UBE2J1: variants seen among roughly 807,000 people sequenced by gnomAD.
The protein encoded by UBE2J1 is ubiquitin conjugating enzyme E2 J1, also known as ubiquitin-conjugating enzyme E2 J1.
A neutral mutation model predicts 42.1 loss-of-function variants in UBE2J1; 17 were observed. The observed-to-expected ratio is 0.40, with a 90% confidence interval of 0.28 to 0.61. The LOEUF (loss-of-function observed/expected upper bound fraction) is 0.61, where lower values mean the gene tolerates loss of function less well. Among genes scored for constraint, UBE2J1 ranks in the 20% least tolerant of loss-of-function variants. The probability of loss-of-function intolerance (pLI) is 0.38; values close to 1 mark genes in which losing one functional copy is unlikely to be tolerated. For missense variants in UBE2J1, 291 were observed against 389.4 expected (o/e 0.75, Z 2.13); for synonymous variants, 127 against 137.2 (o/e 0.93, Z 0.52).
At chr6:89,338,900 T>G (rs192245095) in intron 3 of UBE2J1, among the ~76,000 whole-genome samples, 1 of 151,852 alleles carries the variant, frequency 6.6e-6, no homozygotes, top group Non-Finnish European at 1.5e-5. Flanking sequence ...ATCCTGACCT[T>G]GTGATCTGCC....
At chr6:89,339,911 G>T (rs147423016) in intron 3 of UBE2J1, among the ~76,000 whole-genome samples, 1 of 152,048 alleles carries the variant, frequency 6.6e-6, no homozygotes, top group African/African-American at 2.4e-5. Context: ...AGCTACTCAG[G>T]AGGCTGACGT....
At chr6:89,333,689 ATCTTT>A (rs1161714826) in intron 6 of UBE2J1, among the ~76,000 whole-genome samples, 3 of 152,232 alleles carry the variant, frequency 2.0e-5, no homozygotes, top group Admixed American at 6.5e-5. Flanking sequence ...TATATGTAAG[ATCTTT>A]TCTTAAGTCT....
In UBE2J1 at chr6:89,329,832, T is replaced by C; in HGVS notation, c.804A>G (p.Ser268=). 1 of 1,614,084 alleles carries C rather than the reference T, an allele frequency of 6.2e-7. No individual in the cohort carries two copies. The highest frequency in any genetic ancestry group is 1.7e-5 in the Admixed American group (1 of 59,992). Residue 268 remains serine, a synonymous_variant, in exon 8 of 8, where the codon TCA becomes TCG. Transcript: ENST00000435041. ...GCTGGTGGCCCTGGATTACATCTGG[T>C]GAAGTAGACAACCTTCTCTGACTCT... ...QQQSQRRLST[S]PDVIQGHQPR...
chr6:89,334,180 T>C (rs1375351319), intron 6 of UBE2J1, among the ~76,000 whole-genome samples: 2 of 151,824 alleles, frequency 1.3e-5, no homozygotes, highest in Non-Finnish European at 2.9e-5. Flanking sequence ...ATTTTTTGTA[T>C]TTTTAGTAGA....
rs1172005945 is a variant in UBE2J1 at position 89,329,878 on chromosome 6, C to T, written c.758G>A (p.Arg253Gln). 5.0e-6 allele frequency: 8 copies of T among 1,613,916 alleles called. No individual in the cohort carries two copies. Among genetic ancestry groups the T allele is most frequent in the East Asian group, 2.2e-5 (1 of 44,876 alleles). ...PVAKNTSMSPRQRRAQQQSQR... is the reference protein window; with the variant it reads ...PVAKNTSMSPQQRRAQQQSQR... ...ACTCTGCTGCTGGGCCCGGCGCTGT[C>T]GAGGGCTCATGGAGGTATTCTTAGC... is the stretch of plus-strand genomic sequence containing the variant. Residue 253 changes from arginine (R) to glutamine (Q), a missense_variant, in exon 8 of 8, where the codon CGA becomes CAA. Physicochemically the swap from Arg to Gln is conservative, Grantham distance 43 (BLOSUM62 1). Around this residue, in one of 2 missense-constraint regions of UBE2J1, gnomAD observed 176 missense variants for 196.3 expected, o/e 0.90. Transcript: ENST00000435041.
intron 3 of UBE2J1, among the ~76,000 whole-genome samples, chr6:89,340,655 G>A (rs1379347867): frequency 2.0e-5 from 3 of 152,212 alleles, no homozygotes; most frequent in African/African-American, 7.2e-5. Flanking sequence ...GTAATGGAAA[G>A]AGCACCAGTC....
intron 1 of UBE2J1, among the ~76,000 whole-genome samples, chr6:89,349,894 T>C (rs550082266): frequency 6.6e-6 from 1 of 152,316 alleles, no homozygotes; most frequent in African/African-American, 2.4e-5. Context: ...AGGTGCTTTA[T>C]ACACATTTCT....
chr6:89,329,098 T>C lies in UBE2J1; in HGVS notation c.*581A>G, dbSNP rs1767956596. ...GTAGCATCCAGTGACAAAGATGTGA[T>C]CTCATTTCCTCATAAATGTTTGACT... On this transcript the variant is annotated 3_prime_UTR_variant, in exon 8 of 8. Transcript: ENST00000435041. The C allele has an allele frequency of 6.5e-6, 1 of 153,054 alleles. No homozygotes were observed. Among genetic ancestry groups the C allele is most frequent in the Non-Finnish European group, 1.5e-5 (1 of 68,756 alleles). The allele number at this position is 153,054 out of a possible 1,614,324, so 9.5% of individuals were successfully genotyped here.
chr6:89,329,808 C>G lies in UBE2J1; in HGVS notation c.828G>C (p.Gln276His). 6.2e-7 allele frequency: 1 copy of G among 1,614,112 alleles called. No individual in the cohort carries two copies. ...STSPDVIQGHQPRDNHTDHGG... is the reference protein window; with the variant it reads ...STSPDVIQGHHPRDNHTDHGG... ...CATGATCAGTGTGGTTGTCTCTTGG[C>G]TGGTGGCCCTGGATTACATCTGGTG... Residue 276 changes from glutamine to histidine, a missense_variant, in exon 8 of 8, where the codon CAG (glutamine) becomes CAC (histidine). Physicochemically the swap from Gln to His is conservative, Grantham distance 24. Coordinates refer to ENST00000435041, the MANE Select transcript of UBE2J1 (RefSeq NM_016021.3).
chr6:89,345,792 A>G (rs1250089591), intron 1 of UBE2J1, among the ~76,000 whole-genome samples: 1 of 151,254 alleles, frequency 6.6e-6, no homozygotes, highest in Non-Finnish European at 1.5e-5. Flanking sequence ...CTATAATCCC[A>G]GCTACTAGGG....
At chr6:89,331,698 T>G (rs897723789) in intron 7 of UBE2J1, among the ~76,000 whole-genome samples, 6 of 152,122 alleles carry the variant, frequency 3.9e-5, no homozygotes, top group African/African-American at 1.4e-4. Context: ...ATAACTGGAA[T>G]ATGTAACAAG....
At chr6:89,333,994 G>T (rs1276602065) in intron 6 of UBE2J1, among the ~76,000 whole-genome samples, 1 of 152,154 alleles carries the variant, frequency 6.6e-6, no homozygotes, top group East Asian at 1.9e-4. Context: ...CTGTATGTAT[G>T]TATGTATTTA....
rs1246391637 is a variant in UBE2J1 at position 89,335,504 on chromosome 6, T to TA, written c.429-74_429-73insT. ...ATTCCCTCTCACTGAGACACTCAAA[T>TA]GCTCGATCATTAAACTTAAAAGAAA... On this transcript the variant is annotated intron_variant, in intron 5 of 7. Transcript: ENST00000435041. 2.6e-6 allele frequency: 3 copies of TA among 1,132,344 alleles called. No individual in the cohort carries two copies. The African/African-American group carries it at 4.8e-5, about 18-fold the overall frequency. The allele number at this position is 1,132,344 out of a possible 1,614,324, so 70.1% of individuals were successfully genotyped here. A position where few individuals can be genotyped will look rare whatever the true frequency, so the allele number is the denominator to read the frequency against.
At chr6:89,330,219 AGAT>A (rs1387210400) in intron 7 of UBE2J1, among the ~76,000 whole-genome samples, 3 of 152,224 alleles carry the variant, frequency 2.0e-5, no homozygotes, top group Non-Finnish European at 4.4e-5. Context: ...ACATTGGTCT[AGAT>A]GATATTTTAA....
chr6:89,329,281 G>T lies in UBE2J1; in HGVS notation c.*398C>A. The stretch of plus-strand genomic sequence containing the variant: ...TTCTATCCCTATACATTCTACATAC[G>T]TAGAAACAGAGTACTCAATAAGTGG... On this transcript the variant is annotated 3_prime_UTR_variant, in exon 8 of 8. Transcript: ENST00000435041. 1 of 219,286 alleles carries T rather than the reference G, an allele frequency of 4.6e-6. No homozygotes were observed. The highest frequency in any genetic ancestry group is 9.0e-6 in the Non-Finnish European group (1 of 111,612). The allele number at this position is 219,286 out of a possible 1,614,324, so 13.6% of individuals were successfully genotyped here.
chr6:89,348,740 A>G (rs1159415203), intron 1 of UBE2J1, among the ~76,000 whole-genome samples: 2 of 152,252 alleles, frequency 1.3e-5, no homozygotes, highest in African/African-American at 4.8e-5. Context: ...ATATTGACCA[A>G]GTATATATGT....
Position 89,336,458 on chromosome 6 carries a change from TTTTTA to T in UBE2J1, c.429-1032_429-1028del, listed in dbSNP as rs1018187041. 6.5e-4 allele frequency among the ~76,000 whole-genome samples: 24 copies of T among 36,650 alleles called. No individual in the cohort carries two copies. In the South Asian group the frequency reaches 0.017, roughly 26 times the overall value. The allele number at this position is 36,650 out of a possible 152,430, so 24.0% of individuals were successfully genotyped here. ...GGTGTGTGCCACCACACCCCGCTAA[TTTTTA>T]TTTTATTTTATTTTTTTTTTTTATT... On this transcript the variant is annotated intron_variant, in intron 5 of 7. Coordinates refer to ENST00000435041, the MANE Select transcript of UBE2J1 (RefSeq NM_016021.3).
At chr6:89,350,527 A>G (rs770017182) in intron 1 of UBE2J1, among the ~76,000 whole-genome samples, 1 of 152,132 alleles carries the variant, frequency 6.6e-6, no homozygotes, top group Non-Finnish European at 1.5e-5. Flanking sequence ...ACCTAATTCA[A>G]CTTCTCCATG....
chr6:89,350,691 GCTGACAATAGTTCACATA>G (rs1768458382), intron 1 of UBE2J1, among the ~76,000 whole-genome samples: 1 of 152,014 alleles, frequency 6.6e-6, no homozygotes, highest in Non-Finnish European at 1.5e-5. Flanking sequence ...AGCTCAACCA[GCTGACAATAGTTCACATA>G]CTTTGGAAAT....
Sources: gnomAD v4.1 joint callset for allele counts (sites outside exome capture counted in the v4.1 genomes callset) on GRCh38, gnomAD v4.1.1 for gene constraint, gnomAD v4.1.1 regional missense constraint, MANE v1.5 for transcripts, NCBI Gene and HGNC (gene_info 2026-07-23, HGNC 2026-07-21) for gene names.